Variants in FRMD5 observed in about 807,000 individuals in gnomAD.
The protein encoded by FRMD5 is FERM domain containing 5.
FRMD5 carries 20 observed loss-of-function variants against 69.0 expected under a neutral mutation model. The ratio of observed to expected loss-of-function variants is 0.29; its 90% CI spans 0.20 to 0.42. The LOEUF is 0.42. FRMD5 is among the 10% of genes least tolerant of loss of function. The pLI is 1.00. For synonymous variants in FRMD5, 271 were observed against 260.1 expected, an observed-to-expected ratio of 1.04 and a Z score of -0.40; for missense variants, 595 against 708.6, an observed-to-expected ratio of 0.84 and a Z score of 1.82.
In FRMD5 at chr15:43,886,473, C is replaced by G. The variant is rs1332945949; in HGVS notation, c.885-718G>C. On this transcript the variant is annotated intron_variant, in intron 10 of 13. Coordinates refer to ENST00000417257, the MANE Select transcript of FRMD5 (RefSeq NM_032892.5). Reference sequence around the variant, plus strand: ...ACAGCCGATGTGGAGCTCTGTAATACTTTCTCCTGGGTGACTTCACTGAGC... The same window carrying G: ...ACAGCCGATGTGGAGCTCTGTAATAGTTTCTCCTGGGTGACTTCACTGAGC... Among the ~76,000 whole-genome samples, 5 of 152,284 alleles carry G rather than the reference C, an allele frequency of 3.3e-5. No individual in the cohort carries two copies. The South Asian group carries it at 1.0e-3, about 32-fold the overall frequency.
At chr15:43,889,795 C>G (rs1349399663) in intron 8 of FRMD5, among the ~76,000 whole-genome samples, 1 of 152,204 alleles carries the variant, frequency 6.6e-6, no homozygotes, top group Non-Finnish European at 1.5e-5. Context: ...TCTCTCAGCC[C>G]TCTCCATGTC....
At chr15:44,043,874 G>A (rs1892315427) in intron 1 of FRMD5, among the ~76,000 whole-genome samples, 1 of 152,064 alleles carries the variant, frequency 6.6e-6, no homozygotes. Flanking sequence ...GGCAAAGACT[G>A]CATGACTAAA....
chr15:44,038,700 A>G (rs949944659), intron 1 of FRMD5, among the ~76,000 whole-genome samples: 2 of 151,788 alleles, frequency 1.3e-5, no homozygotes, highest in African/African-American at 4.8e-5. Context: ...CAGCCCACAG[A>G]GGGCGAGCTG....
chr15:43,959,622 T>C (rs544162430), intron 1 of FRMD5, among the ~76,000 whole-genome samples: 1 of 152,164 alleles, frequency 6.6e-6, no homozygotes, highest in East Asian at 1.9e-4. Flanking sequence ...GACCAGATGA[T>C]TACCAAAGTC....
At chr15:44,104,739 G>A (rs998284375) in intron 1 of FRMD5, among the ~76,000 whole-genome samples, 1 of 152,136 alleles carries the variant, frequency 6.6e-6, no homozygotes. Context: ...ATCTAGGGTT[G>A]TGTACACTCT....
At chr15:43,879,011 C>T (rs2088449251) in intron 13 of FRMD5, among the ~76,000 whole-genome samples, 1 of 144,342 alleles carries the variant, frequency 6.9e-6, no homozygotes, top group Non-Finnish European at 1.5e-5. Flanking sequence ...AATCTCGGCT[C>T]ACTGCAGCCT....
intron 9 of FRMD5, 94 bp downstream of exon 9, chr15:43,888,715 T>C: frequency 9.8e-7 from 1 of 1,016,684 alleles, no homozygotes; most frequent in Non-Finnish European, 1.5e-6. Context: ...TGTGGGTAGC[T>C]TGGCTCTACT....
intron 1 of FRMD5, among the ~76,000 whole-genome samples, chr15:44,104,686 G>A (rs913340265): frequency 6.6e-6 from 1 of 152,154 alleles, no homozygotes; most frequent in African/African-American, 2.4e-5. Context: ...AGAGCAATAG[G>A]CTATACCACA....
intron 1 of FRMD5, among the ~76,000 whole-genome samples, chr15:44,036,079 G>C (rs1354066572): frequency 6.6e-6 from 1 of 152,072 alleles, no homozygotes; most frequent in African/African-American, 2.4e-5. Flanking sequence ...AAAATTAAAG[G>C]AACAAATCCT....
chr15:43,976,844 TC>T (rs1262722999), intron 1 of FRMD5, among the ~76,000 whole-genome samples: 8 of 151,694 alleles, frequency 5.3e-5, no homozygotes, highest in African/African-American at 1.7e-4. Context: ...TTTTTTTTTT[TC>T]TTTTGAGACA....
At chr15:43,906,396 G>A (rs2089172631) in intron 5 of FRMD5, among the ~76,000 whole-genome samples, 1 of 152,202 alleles carries the variant, frequency 6.6e-6, no homozygotes, top group African/African-American at 2.4e-5. Context: ...GTTTGAGGAT[G>A]TTAGCAGGGA....
intron 5 of FRMD5, among the ~76,000 whole-genome samples, chr15:43,909,010 C>G (rs2089234175): frequency 6.6e-6 from 1 of 152,118 alleles, no homozygotes; most frequent in Non-Finnish European, 1.5e-5. Context: ...AAAACAGAGT[C>G]AGAATGACTT....
chr15:43,938,110 A>G (rs2089793335), intron 1 of FRMD5, among the ~76,000 whole-genome samples: 1 of 151,924 alleles, frequency 6.6e-6, no homozygotes, highest in Non-Finnish European at 1.5e-5. Context: ...GGGCGCTTGT[A>G]GTCCCAGCTA....
chr15:43,963,645 T>G (rs1303790240), intron 1 of FRMD5, among the ~76,000 whole-genome samples: 3 of 152,142 alleles, frequency 2.0e-5, no homozygotes, highest in Non-Finnish European at 4.4e-5. Context: ...TAGCAAAGAC[T>G]TGGAACCAAC....
intron 1 of FRMD5, chr15:43,989,814 C>T (rs1362251811): frequency 3.9e-6 from 4 of 1,032,310 alleles, no homozygotes; most frequent in Non-Finnish European, 6.0e-6. Flanking sequence ...AGATCTCCAA[C>T]ATGATCTGGG....
chr15:44,136,083 G>A (rs1324181107), intron 1 of FRMD5, among the ~76,000 whole-genome samples: 2 of 151,878 alleles, frequency 1.3e-5, no homozygotes, highest in African/African-American at 2.4e-5. Flanking sequence ...GTACAGTGGC[G>A]CCATCTTGGC....
intron 13 of FRMD5, among the ~76,000 whole-genome samples, chr15:43,882,289 T>G (rs909983201): frequency 1.2e-4 from 18 of 151,826 alleles, no homozygotes; most frequent in African/African-American, 4.4e-4. Flanking sequence ...AGGAAGGGAG[T>G]CTGGAGGGAG....
At chr15:43,990,495 G>T (rs953738611) in intron 1 of FRMD5, among the ~76,000 whole-genome samples, 9 of 152,096 alleles carry the variant, frequency 5.9e-5, no homozygotes, top group Non-Finnish European at 1.3e-4. Context: ...AATAGAAATA[G>T]AGTTTCAAAT....
At chr15:44,048,428 G>A (rs779688390) in intron 1 of FRMD5, among the ~76,000 whole-genome samples, 1 of 151,994 alleles carries the variant, frequency 6.6e-6, no homozygotes, top group Non-Finnish European at 1.5e-5. Context: ...TTATTGAGTT[G>A]TAAGAGTTCT....
Sources: allele counts gnomAD v4.1 joint callset (sites outside exome capture counted in the v4.1 genomes callset), GRCh38; gene constraint gnomAD v4.1.1; transcripts MANE v1.5; gene names NCBI Gene and HGNC (gene_info 2026-07-23, HGNC 2026-07-21).